The following CHMP3 variants were observed in gnomAD, a reference collection of about 807,000 sequenced individuals.
The protein encoded by CHMP3 is 25.1 protein.
A neutral mutation model predicts 27.4 loss-of-function variants in CHMP3; 8 were observed. That is an observed-to-expected ratio of 0.29 (90% CI 0.17 to 0.53). The LOEUF (loss-of-function observed/expected upper bound fraction) is 0.53, where lower values mean the gene tolerates loss of function less well. CHMP3 is among the 20% of genes least tolerant of loss of function. The pLI is 0.96. For synonymous variants in CHMP3, 86 were observed against 85.5 expected, an observed-to-expected ratio of 1.01 and a Z score of -0.03; for missense variants, 208 against 271.5, an observed-to-expected ratio of 0.77 and a Z score of 1.64.
intron 3 of CHMP3, among the ~76,000 whole-genome samples, chr2:86,528,559 T>A (rs1675800243): frequency 6.6e-6 from 1 of 152,144 alleles, no homozygotes; most frequent in Non-Finnish European, 1.5e-5. Context: ...CTTGCTGCCA[T>A]TACCAAAGAA....
At chr2:86,563,272 A>G in intron 1 of CHMP3, 32 bp downstream of exon 1, 2 of 1,613,138 alleles carry the variant, frequency 1.2e-6, no homozygotes, top group Non-Finnish European at 1.7e-6. Flanking sequence ...ACACAGATCC[A>G]CCCGCTTATC....
intron 1 of CHMP3, among the ~76,000 whole-genome samples, chr2:86,550,493 A>G (rs1281970700): frequency 1.3e-5 from 2 of 151,824 alleles, no homozygotes; most frequent in African/African-American, 4.8e-5. Flanking sequence ...CAAAGGCAAT[A>G]ACCACTAAAA....
At chr2:86,549,114 G>T (rs1019131669) in intron 1 of CHMP3, among the ~76,000 whole-genome samples, 1 of 148,626 alleles carries the variant, frequency 6.7e-6, no homozygotes, top group African/African-American at 2.5e-5. Flanking sequence ...CTCCCAGACG[G>T]GGCGGCCGGG....
intron 1 of CHMP3, among the ~76,000 whole-genome samples, chr2:86,550,395 A>AGACGGGG (rs1558661010): frequency 6.8e-6 from 1 of 146,114 alleles, no homozygotes; most frequent in African/African-American, 2.5e-5. Flanking sequence ...GGAGAGAGGG[A>AGACGGGG]GAGAGGGGGA....
intron 3 of CHMP3, 127 bp from the exon 4 acceptor site, chr2:86,510,606 T>C (rs1675068636): frequency 7.7e-7 from 1 of 1,295,014 alleles, no homozygotes; most frequent in Non-Finnish European, 1.1e-6. Flanking sequence ...TGTGTGCCTT[T>C]AAATTAATTA....
At chr2:86,549,567 A>C (rs1418619274) in intron 1 of CHMP3, among the ~76,000 whole-genome samples, 1 of 119,494 alleles carries the variant, frequency 8.4e-6, no homozygotes, top group Non-Finnish European at 1.7e-5. Context: ...ATGGGGTTGC[A>C]GTCAGGCAGA....
chr2:86,524,255 C>T (rs1014667819), intron 3 of CHMP3, among the ~76,000 whole-genome samples: 1 of 152,140 alleles, frequency 6.6e-6, no homozygotes, highest in African/African-American at 2.4e-5. Context: ...GATACAAGTC[C>T]CCAGGACTGA....
chr2:86,527,183 TG>T (rs1366865736), intron 3 of CHMP3: 1 of 151,560 alleles, frequency 6.6e-6, no homozygotes, highest in Admixed American at 6.6e-5. Flanking sequence ...ACTGAGGCAG[TG>T]GATCACTTGA....
At chr2:86,521,662 A>G (rs1250299919) in intron 3 of CHMP3, among the ~76,000 whole-genome samples, 2 of 152,206 alleles carry the variant, frequency 1.3e-5, no homozygotes, top group African/African-American at 4.8e-5. Flanking sequence ...GGTACATCAT[A>G]TAAGTGGAAT....
chr2:86,560,005 A>G (rs1051113153), intron 1 of CHMP3, among the ~76,000 whole-genome samples: 4 of 152,150 alleles, frequency 2.6e-5, no homozygotes, highest in Admixed American at 6.6e-5. Context: ...GGTGGCTTAC[A>G]CCTGTAATCC....
At chr2:86,519,396 T>C (rs958136327) in intron 3 of CHMP3, among the ~76,000 whole-genome samples, 3 of 150,506 alleles carry the variant, frequency 2.0e-5, no homozygotes, top group Non-Finnish European at 4.4e-5. Flanking sequence ...AGGAATACTA[T>C]GAAAACAGCT....
intron 3 of CHMP3, among the ~76,000 whole-genome samples, chr2:86,525,519 C>T (rs953551487): frequency 1.3e-5 from 2 of 148,860 alleles, no homozygotes; most frequent in Non-Finnish European, 3.0e-5. Flanking sequence ...GGCGACAGTG[C>T]GAGATCTTGT....
chr2:86,530,298 CTCT>C (rs536922982), intron 2 of CHMP3, among the ~76,000 whole-genome samples: 211 of 152,174 alleles, frequency 1.4e-3, no homozygotes, highest in Non-Finnish European at 2.5e-3. Context: ...TGGCCCAGAA[CTCT>C]TCATCTTTCC....
intron 1 of CHMP3, among the ~76,000 whole-genome samples, chr2:86,554,818 T>C (rs7594955): frequency 0.029 from 3,563 of 123,416 alleles, 118 homozygotes; most frequent in African/African-American, 0.09. Context: ...TGTGCGCGCG[T>C]GTGTGTGTGT....
At chr2:86,539,238 C>G (rs1253504128) in intron 2 of CHMP3, among the ~76,000 whole-genome samples, 1 of 152,152 alleles carries the variant, frequency 6.6e-6, no homozygotes, top group Non-Finnish European at 1.5e-5. Flanking sequence ...CACACTTTAT[C>G]AAAGTGCCCC....
intron 1 of CHMP3, among the ~76,000 whole-genome samples, chr2:86,544,266 G>A (rs1257368172): frequency 6.6e-6 from 1 of 150,518 alleles, no homozygotes; most frequent in Non-Finnish European, 1.5e-5. Flanking sequence ...ACCAATACCT[G>A]TTATTTTCTA....
intron 1 of CHMP3, among the ~76,000 whole-genome samples, chr2:86,557,062 G>GA (rs1677156615): frequency 6.6e-6 from 1 of 152,138 alleles, no homozygotes; most frequent in South Asian, 2.1e-4. Flanking sequence ...AAGCAGAAGA[G>GA]AAAAATATTC....
At chr2:86,510,176 C>T (rs534609015) in intron 4 of CHMP3, among the ~76,000 whole-genome samples, 182 bp downstream of exon 4, 5 of 152,306 alleles carry the variant, frequency 3.3e-5, no homozygotes, top group Admixed American at 1.3e-4. Flanking sequence ...GGCAATCTGA[C>T]CCAGCCTCTG....
At chr2:86,528,970 A>T (rs947147809) in intron 3 of CHMP3, among the ~76,000 whole-genome samples, 1 of 152,248 alleles carries the variant, frequency 6.6e-6, no homozygotes, top group Non-Finnish European at 1.5e-5. Context: ...AGGCCACGTG[A>T]TAACACTGTT....
Sources: gnomAD v4.1 joint callset for allele counts (sites outside exome capture counted in the v4.1 genomes callset) on GRCh38, gnomAD v4.1.1 for gene constraint, MANE v1.5 for transcripts, NCBI Gene and HGNC (gene_info 2026-07-23, HGNC 2026-07-21) for gene names.